The following CAMTA1 variants were observed in gnomAD, a reference collection of about 807,000 sequenced individuals.
The protein encoded by CAMTA1 is calmodulin-binding transcription activator 1.
Under a neutral mutation model 170.9 loss-of-function variants are expected in CAMTA1, and 27 were observed. That is an observed-to-expected ratio of 0.16 (90% CI 0.12 to 0.22). CAMTA1 has a LOEUF of 0.22. Ranked by LOEUF, CAMTA1 falls within the 10% of genes least tolerant of loss-of-function variation. CAMTA1 has a pLI of 1.00. For missense variants in CAMTA1, 1,619 were observed against 2,217.2 expected (o/e 0.73, Z 5.42); for synonymous variants, 833 against 891.5 (o/e 0.93, Z 1.17).
chr1:7,082,440 AATAG>A (rs150422699), intron 3 of CAMTA1, among the ~76,000 whole-genome samples: 7,632 of 142,252 alleles, frequency 0.054, 260 homozygotes, highest in African/African-American at 0.11. Flanking sequence ...TGCATCTCGA[AATAG>A]ATAGATAGAT....
Position 7,688,011 on chromosome 1 carries a change from C to CTTTTTTTTTTTTTTTTTTTTTTT in CAMTA1, c.2914+10295_2914+10296insTTTTTTTTTTTTTTTTTTTTTTT, listed in dbSNP as rs70987364. Among the ~76,000 whole-genome samples, 16 of 103,274 alleles carry CTTTTTTTTTTTTTTTTTTTTTTT rather than the reference C, an allele frequency of 1.5e-4. 1 individual carries two copies. The highest frequency in any genetic ancestry group is 2.3e-4 in the Non-Finnish European group (12 of 52,248). The allele number at this position is 103,274 out of a possible 152,430, so 67.8% of individuals were successfully genotyped here. On this transcript the variant is annotated intron_variant, in intron 11 of 22. Transcript: ENST00000303635. ...CGATTACGTCGGACTCTCATTATTC[C>CTTTTTTTTTTTTTTTTTTTTTTT]TTTTTTTTTTTTTTTTTGGCAGAGT...
chr1:6,852,912 T>C (rs1290285308), intron 3 of CAMTA1: 1 of 152,236 alleles, frequency 6.6e-6, no homozygotes. Flanking sequence ...GATTGGTTGC[T>C]TTGGTAACCA....
intron 4 of CAMTA1, among the ~76,000 whole-genome samples, chr1:7,191,929 ACTGTGTCACTAGACACACATTCCTCTCT>A: frequency 6.6e-6 from 1 of 152,146 alleles, no homozygotes; most frequent in African/African-American, 2.4e-5. Flanking sequence ...CTGGGAACTC[ACTGTGTCACTAGACACACATTCCTCTCT>A]CTGTGCCTCA....
intron 11 of CAMTA1, among the ~76,000 whole-genome samples, chr1:7,697,246 CCT>C (rs1284942443): frequency 6.6e-6 from 1 of 151,452 alleles, no homozygotes; most frequent in Admixed American, 6.6e-5. Context: ...GGTTCTATCC[CCT>C]GAGCCCTCAC....
intron 3 of CAMTA1, among the ~76,000 whole-genome samples, chr1:6,903,076 A>T (rs1397102071): frequency 6.6e-6 from 1 of 152,242 alleles, no homozygotes; most frequent in Non-Finnish European, 1.5e-5. Context: ...AAGAATGAAT[A>T]AATTATTACA....
At chr1:7,477,687 T>G (rs560326056) in intron 6 of CAMTA1, among the ~76,000 whole-genome samples, 1 of 152,074 alleles carries the variant, frequency 6.6e-6, no homozygotes, top group East Asian at 1.9e-4. Context: ...CCTTCACCCC[T>G]CCCCGCCTCT....
intron 3 of CAMTA1, among the ~76,000 whole-genome samples, chr1:7,090,166 GT>G (rs1641291931): frequency 6.6e-6 from 1 of 152,174 alleles, no homozygotes; most frequent in Non-Finnish European, 1.5e-5. Context: ...GGCCTGTGGT[GT>G]TTGGACTGCA....
rs572894895 is a variant in CAMTA1 at position 7,043,804 on chromosome 1, C to T, written c.235-47500C>T. On this transcript the variant is annotated intron_variant, in intron 3 of 22. Transcript: ENST00000303635. ...GCAGGCTTTGCATTTAGCAAATACT[C>T]GGGCCCTCAGGCTAGAGCTTTTGTG... Among the ~76,000 whole-genome samples the T allele has an allele frequency of 2.3e-3, 351 of 152,288 alleles. 3 individuals carry two copies. The highest frequency in any genetic ancestry group is 2.8e-3 in the Non-Finnish European group (192 of 68,028).
intron 6 of CAMTA1, among the ~76,000 whole-genome samples, chr1:7,573,014 T>C (rs1024110364): frequency 2.0e-5 from 3 of 152,230 alleles, no homozygotes; most frequent in Non-Finnish European, 2.9e-5. Context: ...GCCTGGCCTG[T>C]GTTCTACCAG....
rs569205404 is a variant in CAMTA1, at chr1:7,286,373, A to T, written c.438+36747A>T. 2.0e-5 allele frequency among the ~76,000 whole-genome samples: 3 copies of T among 152,312 alleles called. No homozygotes were observed. Among genetic ancestry groups the T allele is most frequent in the South Asian group, 4.1e-4 (2 of 4,824 alleles). ...CTATGGGTGGTCCTGGAAGATCGTC[A>T]TGGGGGTCTTCAGCTATTGGTGGCA... On this transcript the variant is annotated intron_variant, in intron 5 of 22. Transcript: ENST00000303635. The surrounding 1 kb of genome is among the most constrained non-coding windows in gnomAD (Gnocchi z 4.2).
intron 3 of CAMTA1, among the ~76,000 whole-genome samples, chr1:6,962,006 G>C (rs558274637): frequency 6.6e-6 from 1 of 152,304 alleles, no homozygotes; most frequent in African/African-American, 2.4e-5. Context: ...TTGCCCTGTC[G>C]GGTCAAAGCC....
intron 4 of CAMTA1, among the ~76,000 whole-genome samples, chr1:7,200,312 C>T (rs1300255263): frequency 6.6e-6 from 1 of 152,184 alleles, no homozygotes; most frequent in East Asian, 1.9e-4. Flanking sequence ...TTGTACATAA[C>T]CACGTCTTAT....
At chr1:7,752,393 T>A in intron 20 of CAMTA1, 66 bp from the exon 21 acceptor site, 1 of 1,380,286 alleles carries the variant, frequency 7.2e-7, no homozygotes, top group South Asian at 1.2e-5. Flanking sequence ...CTGTCACTGC[T>A]GACCAGTTTT....
chr1:7,709,033 C>G (rs1325323396), intron 11 of CAMTA1, among the ~76,000 whole-genome samples: 1 of 152,216 alleles, frequency 6.6e-6, no homozygotes, highest in Non-Finnish European at 1.5e-5. Flanking sequence ...TCCTCAGCCA[C>G]ACAGCATGAG....
chr1:7,418,592 C>G (rs1016230509), intron 5 of CAMTA1, among the ~76,000 whole-genome samples: 2 of 152,164 alleles, frequency 1.3e-5, no homozygotes, highest in African/African-American at 4.8e-5. Flanking sequence ...AGCCCAGGGC[C>G]TTGTGTTGAA....
chr1:7,447,841 A>G (rs968772560), intron 5 of CAMTA1, among the ~76,000 whole-genome samples: 1 of 152,214 alleles, frequency 6.6e-6, no homozygotes, highest in African/African-American at 2.4e-5. Flanking sequence ...CTCGCTGCTG[A>G]ACAAGGTAGA....
At chr1:7,059,485 C>T (rs1272477451) in intron 3 of CAMTA1, among the ~76,000 whole-genome samples, 2 of 152,022 alleles carry the variant, frequency 1.3e-5, no homozygotes, top group African/African-American at 2.4e-5. Context: ...CTGGGCACAA[C>T]GATGCACACC....
rs76274021 is a variant in CAMTA1, at chr1:6,931,438, A to G, written c.234+106228A>G. Among the ~76,000 whole-genome samples the G allele has an allele frequency of 6.7e-3, 1,014 of 152,294 alleles. 6 individuals are homozygous for G. Among genetic ancestry groups the G allele is most frequent in the Non-Finnish European group, 9.2e-3 (624 of 68,030 alleles). ...TAATAAAAGTAGTGGTAATTATAGTACTAAATGGAACACACACTTACCGAG... is the reference window on the plus strand; with the variant it reads ...TAATAAAAGTAGTGGTAATTATAGTGCTAAATGGAACACACACTTACCGAG... On this transcript the variant is annotated intron_variant, in intron 3 of 22. Coordinates refer to ENST00000303635, the MANE Select transcript of CAMTA1 (RefSeq NM_015215.4).
chr1:7,745,971 G>C lies in CAMTA1; in HGVS notation c.4497G>C (p.Leu1499=). The change falls in exon 18 of 23, where the codon CTG becomes CTC. Residue 1499 remains leucine, a synonymous_variant. Transcript: ENST00000303635. ...LPSAADWSEF[L]SASTSEKVEN... ...CCGCCGCGGATTGGTCAGAATTCCT[G>C]AGTGCATCTACCAGTGAGAAGGTAG... The C allele has an allele frequency of 6.2e-7, 1 of 1,614,200 alleles. No individual in the cohort carries two copies. The highest frequency in any genetic ancestry group is 8.5e-7 in the Non-Finnish European group (1 of 1,180,026).
Sources: allele counts gnomAD v4.1 joint callset (sites outside exome capture counted in the v4.1 genomes callset), GRCh38; gene constraint gnomAD v4.1.1; non-coding constraint Gnocchi (gnomAD v3.1); transcripts MANE v1.5; gene names NCBI Gene and HGNC (gene_info 2026-07-23, HGNC 2026-07-21).